CADPS2: variants seen among roughly 807,000 people sequenced by gnomAD.
CADPS2 encodes calcium-dependent secretion activator 2.
CADPS2 carries 93 observed loss-of-function variants against 172.5 expected under a neutral mutation model. The observed-to-expected ratio is 0.54, with a 90% CI of 0.46 to 0.64. The LOEUF (loss-of-function observed/expected upper bound fraction) is 0.64, where lower values mean the gene tolerates loss of function less well. Among genes scored for constraint, CADPS2 ranks in the 30% least tolerant of loss-of-function variants. CADPS2 has a pLI of 0.00. For synonymous variants in CADPS2, 546 were observed against 555.2 expected, an observed-to-expected ratio of 0.98 and a Z score of 0.23; for missense variants, 1,420 against 1,565.9, an observed-to-expected ratio of 0.91 and a Z score of 1.57.
intron 27 of CADPS2, among the ~76,000 whole-genome samples, chr7:122,353,973 C>T (rs1259830368): frequency 6.6e-6 from 1 of 151,936 alleles, no homozygotes; most frequent in African/African-American, 2.4e-5. Context: ...ATTTTTTTTC[C>T]CTCTTTCTAG....
chr7:122,387,987 GA>G (rs2043894515), intron 23 of CADPS2, among the ~76,000 whole-genome samples: 2 of 151,984 alleles, frequency 1.3e-5, no homozygotes, highest in African/African-American at 2.4e-5. Flanking sequence ...AGGACAATGG[GA>G]AAAAAATGCT....
At chr7:122,412,291 A>T (rs1459167663) in intron 19 of CADPS2, among the ~76,000 whole-genome samples, 1 of 152,222 alleles carries the variant, frequency 6.6e-6, no homozygotes, top group Non-Finnish European at 1.5e-5. Context: ...TCGACAGGAA[A>T]TCGATTTTGT....
rs184050100 is a variant in CADPS2, at chr7:122,731,249, T to G, written c.453+5706A>C. On this transcript the variant is annotated intron_variant, in intron 2 of 29. Coordinates refer to ENST00000449022, the MANE Select transcript of CADPS2 (RefSeq NM_017954.11). ...AACAAAGCCAAGTCACAAATTTTTTTTTTTTTTAAGAAGCTCTAGCATCCA... is the reference window on the plus strand; with the variant it reads ...AACAAAGCCAAGTCACAAATTTTTTGTTTTTTTAAGAAGCTCTAGCATCCA... Among the ~76,000 whole-genome samples, 538 of 151,818 alleles carry G rather than the reference T, an allele frequency of 3.5e-3. 3 individuals are homozygous for G. The highest frequency in any genetic ancestry group is 0.012 in the African/African-American group (511 of 41,514).
At chr7:122,518,710 AG>A (rs1338936651) in intron 8 of CADPS2, among the ~76,000 whole-genome samples, 1 of 151,904 alleles carries the variant, frequency 6.6e-6, no homozygotes, top group Non-Finnish European at 1.5e-5. Context: ...TTTTTTTTTA[AG>A]GGTATGTAAA....
At position 122,469,799 on chromosome 7, in the gene CADPS2, A is replaced by G. The variant is rs555515368; in HGVS notation, c.2186+1576T>C. On this transcript the variant is annotated intron_variant, in intron 14 of 29. Transcript: ENST00000449022. ...GATTTTTGCCTTTAAAATATGATCT[A>G]GTGGAACAGAAGCAGGTGTGTGTCT... 2.4e-4 allele frequency among the ~76,000 whole-genome samples: 36 copies of G among 151,384 alleles called. No individual in the cohort carries two copies. In the South Asian group the frequency reaches 7.5e-3, roughly 32 times the overall value.
chr7:122,390,722 G>GA (rs1221960955), intron 22 of CADPS2, among the ~76,000 whole-genome samples: 1 of 151,898 alleles, frequency 6.6e-6, no homozygotes, highest in Non-Finnish European at 1.5e-5. Flanking sequence ...ATAGATATAT[G>GA]AAAAAAATGT....
intron 2 of CADPS2, chr7:122,698,896 G>C (rs759042567): frequency 6.3e-7 from 1 of 1,596,096 alleles, no homozygotes; most frequent in Admixed American, 1.7e-5. Flanking sequence ...GTTTCTCCAA[G>C]TGCCAACCTT....
At chr7:122,718,851 TAGAA>T (rs971546523) in intron 2 of CADPS2, among the ~76,000 whole-genome samples, 6 of 152,128 alleles carry the variant, frequency 3.9e-5, no homozygotes, top group Admixed American at 1.3e-4. Context: ...ATCTGTTTCT[TAGAA>T]AGAATGTGCC....
rs1025894121 is a variant in CADPS2, at chr7:122,652,664, T to C, written c.786+10573A>G. On this transcript the variant is annotated intron_variant, in intron 3 of 29. Coordinates refer to ENST00000449022, the MANE Select transcript of CADPS2 (RefSeq NM_017954.11). Reference sequence around the variant, plus strand: ...CTGTTATGCCACTCATTTTAGACTGTACATGTTGATCTTTACTTTTTTCTT... The same window carrying C: ...CTGTTATGCCACTCATTTTAGACTGCACATGTTGATCTTTACTTTTTTCTT... Among the ~76,000 whole-genome samples, 8 of 152,312 alleles carry C rather than the reference T, an allele frequency of 5.3e-5. No homozygotes were observed. In the South Asian group the frequency reaches 1.7e-3, roughly 32 times the overall value.
At chr7:122,601,153 C>T (rs1272430360) in intron 6 of CADPS2, among the ~76,000 whole-genome samples, 2 of 151,918 alleles carry the variant, frequency 1.3e-5, no homozygotes, top group African/African-American at 4.8e-5. Flanking sequence ...TATTTTTCAT[C>T]TCTACCATTT....
Position 122,582,850 on chromosome 7 carries a change from G to A in CADPS2, c.1224-1560C>T, listed in dbSNP as rs866924381. ...AGTCTAATAGGTTTCCATAGAATTT[G>A]CTTTTTAAAATCCTCCCCATAAAAC... On this transcript the variant is annotated intron_variant, in intron 6 of 29. Transcript: ENST00000449022. Among the ~76,000 whole-genome samples the A allele has an allele frequency of 2.3e-4, 35 of 151,936 alleles. 1 individual carries two copies. The highest frequency in any genetic ancestry group is 8.5e-4 in the African/African-American group (35 of 41,414).
rs1042725911 is a variant in CADPS2 at position 122,698,981 on chromosome 7, T to A, written c.454-35412A>T. The A allele has an allele frequency of 6.7e-6, 8 of 1,194,922 alleles. No homozygotes were observed. The African/African-American group carries it at 1.2e-4, about 18-fold the overall frequency. The allele number at this position is 1,194,922 out of a possible 1,614,324, so 74.0% of individuals were successfully genotyped here. On this transcript the variant is annotated intron_variant, in intron 2 of 29. Transcript: ENST00000449022. ...AGTTGCACATCTGTTGACAATTAATTTAAAATAACGAAGAGAAAAAAATCT... is the reference window on the plus strand; with the variant it reads ...AGTTGCACATCTGTTGACAATTAATATAAAATAACGAAGAGAAAAAAATCT...
At chr7:122,422,660 A>G (rs968403450) in intron 17 of CADPS2, among the ~76,000 whole-genome samples, 2 of 152,084 alleles carry the variant, frequency 1.3e-5, no homozygotes, top group African/African-American at 4.8e-5. Flanking sequence ...TCATTTATAA[A>G]CCATAATCCC....
intron 6 of CADPS2, among the ~76,000 whole-genome samples, chr7:122,613,566 T>G (rs1179604274): frequency 6.6e-6 from 1 of 152,120 alleles, no homozygotes; most frequent in Non-Finnish European, 1.5e-5. Flanking sequence ...TGACTGTATA[T>G]AATTCTATTT....
rs553126872 is a variant in CADPS2, at chr7:122,553,864, A to G, written c.1475+686T>C. ...AATACCCCTATGCTGGGATTTGGCC[A>G]TAGTAAGTCCAAAGTGTTATTCTGA... On this transcript the variant is annotated intron_variant, in intron 8 of 29. Transcript: ENST00000449022. Among the ~76,000 whole-genome samples the G allele has an allele frequency of 2.0e-5, 3 of 152,218 alleles. No homozygotes were observed. The East Asian group carries it at 5.8e-4, about 29-fold the overall frequency.
intron 2 of CADPS2, among the ~76,000 whole-genome samples, chr7:122,690,974 T>A (rs3993668): frequency 2.6e-5 from 4 of 152,294 alleles, no homozygotes; most frequent in African/African-American, 9.6e-5. Context: ...AAGGTGCAGA[T>A]TCTAGGTGTA....
intron 7 of CADPS2, among the ~76,000 whole-genome samples, chr7:122,570,937 G>A (rs188869367): frequency 3.3e-4 from 50 of 152,158 alleles, no homozygotes; most frequent in African/African-American, 9.4e-4. Context: ...AATGCTAAGT[G>A]ACGAGTTAAT....
At chr7:122,467,661 G>T (rs780818438) in intron 14 of CADPS2, among the ~76,000 whole-genome samples, 1 of 152,096 alleles carries the variant, frequency 6.6e-6, no homozygotes, top group Non-Finnish European at 1.5e-5. Flanking sequence ...AACTGTAGAG[G>T]AGTCAGTGAA....
rs112862926 is a variant in CADPS2, at chr7:122,638,376, C to T, written c.787-9048G>A. ...AGTTAGGAGCAGGGTGAAGTTGAAT[C>T]CTGCCCAGTTAGGAGCAGGATGAGT... is the stretch of plus-strand genomic sequence containing the variant. On this transcript the variant is annotated intron_variant, in intron 3 of 29. Coordinates refer to ENST00000449022, the MANE Select transcript of CADPS2 (RefSeq NM_017954.11). Among the ~76,000 whole-genome samples the T allele has an allele frequency of 2.7e-3, 411 of 152,290 alleles. 1 individual carries two copies. The highest frequency in any genetic ancestry group is 8.9e-3 in the African/African-American group (368 of 41,566).
Sources: allele counts gnomAD v4.1 joint callset (sites outside exome capture counted in the v4.1 genomes callset), GRCh38; gene constraint gnomAD v4.1.1; transcripts MANE v1.5; gene names NCBI Gene and HGNC (gene_info 2026-07-23, HGNC 2026-07-21).